NRG1: variants seen among roughly 807,000 people sequenced by gnomAD.
The protein encoded by NRG1 is pro-neuregulin-1, membrane-bound isoform.
A neutral mutation model predicts 63.8 loss-of-function variants in NRG1; 18 were observed. The ratio of observed to expected loss-of-function variants is 0.28; its 90% confidence interval spans 0.19 to 0.42. The LOEUF (loss-of-function observed/expected upper bound fraction) is 0.42, where lower values mean the gene tolerates loss of function less well. NRG1 is among the 10% of genes least tolerant of loss of function. The pLI is 1.00. For missense variants in NRG1, 762 were observed against 814.7 expected (o/e 0.94, Z 0.79); for synonymous variants, 302 against 301.3 (o/e 1.00, Z -0.02).
chr8:31,931,413 A>G (rs563764158), intron 1 of NRG1, among the ~76,000 whole-genome samples: 1 of 152,272 alleles, frequency 6.6e-6, no homozygotes, highest in African/African-American at 2.4e-5. Flanking sequence ...CCCATCACCT[A>G]CTAACTGTGT....
intron 1 of NRG1, among the ~76,000 whole-genome samples, chr8:32,438,900 T>C (rs2129487271): frequency 6.6e-6 from 1 of 152,220 alleles, no homozygotes. Context: ...CTGTTGAGTT[T>C]TAAGAGTTCT....
chr8:32,592,987 C>T (rs888969012), intron 1 of NRG1, among the ~76,000 whole-genome samples: 8 of 151,984 alleles, frequency 5.3e-5, no homozygotes, highest in Admixed American at 5.3e-4. Context: ...TCTTATAATA[C>T]AGTAACATAA....
intron 1 of NRG1, among the ~76,000 whole-genome samples, chr8:32,511,878 G>A (rs958370202): frequency 1.3e-5 from 2 of 152,208 alleles, no homozygotes; most frequent in Non-Finnish European, 2.9e-5. Flanking sequence ...GCCCCAGGGA[G>A]CTGTGATGCA....
At chr8:32,534,459 T>A (rs1052698592) in intron 1 of NRG1, among the ~76,000 whole-genome samples, 3 of 152,184 alleles carry the variant, frequency 2.0e-5, no homozygotes, top group Non-Finnish European at 2.9e-5. Flanking sequence ...TTGGACAGGA[T>A]TCTTGCCAAT....
intron 1 of NRG1, among the ~76,000 whole-genome samples, chr8:32,102,127 C>T (rs1830655044): frequency 1.3e-5 from 2 of 152,122 alleles, no homozygotes; most frequent in African/African-American, 4.8e-5. Context: ...TTTAACAATA[C>T]AAAAGAATAA....
chr8:31,787,881 C>A (rs1263980061), intron 1 of NRG1, among the ~76,000 whole-genome samples: 1 of 152,120 alleles, frequency 6.6e-6, no homozygotes, highest in Non-Finnish European at 1.5e-5. Flanking sequence ...TCATCAAGAG[C>A]AATAGCTAGC....
At chr8:31,730,692 G>A (rs1813945323) in intron 1 of NRG1, among the ~76,000 whole-genome samples, 1 of 152,044 alleles carries the variant, frequency 6.6e-6, no homozygotes, top group African/African-American at 2.4e-5. Context: ...TTGCAGTAGG[G>A]AAAGATGCTC....
At chr8:32,652,644 T>A (rs1189843716) in intron 5 of NRG1, among the ~76,000 whole-genome samples, 1 of 152,166 alleles carries the variant, frequency 6.6e-6, no homozygotes, top group Non-Finnish European at 1.5e-5. Context: ...GAATGGCACT[T>A]TCATATATTA....
chr8:32,124,076 A>G lies in NRG1; in HGVS notation c.38-471752A>G, dbSNP rs546999061. On this transcript the variant is annotated intron_variant, in intron 1 of 10. Transcript: ENST00000519301. ...TTTCCCTTTATTTCAGAAACCTTCC[A>G]TAATAAAAACTTGGATATAATGAAA... Among the ~76,000 whole-genome samples, 4 of 152,128 alleles carry G rather than the reference A, an allele frequency of 2.6e-5. 1 individual carries two copies. The highest frequency in any genetic ancestry group is 7.2e-5 in the African/African-American group (3 of 41,552).
At chr8:32,076,061 C>G (rs1026730413) in intron 1 of NRG1, among the ~76,000 whole-genome samples, 1 of 152,174 alleles carries the variant, frequency 6.6e-6, no homozygotes, top group South Asian at 2.1e-4. Context: ...GGAGAGCCAG[C>G]TGTGTATTGT....
intron 1 of NRG1, among the ~76,000 whole-genome samples, chr8:31,726,328 A>G (rs933262346): frequency 3.3e-5 from 5 of 152,200 alleles, no homozygotes; most frequent in Non-Finnish European, 5.9e-5. Context: ...GTACAAATGT[A>G]AAAAACATGT....
At chr8:31,813,280 G>A (rs1018662576) in intron 1 of NRG1, among the ~76,000 whole-genome samples, 7 of 151,968 alleles carry the variant, frequency 4.6e-5, no homozygotes, top group African/African-American at 1.7e-4. Flanking sequence ...CAATTTTTGT[G>A]GGTACATAGT....
intron 5 of NRG1, among the ~76,000 whole-genome samples, chr8:32,657,331 CT>C (rs1801738080): frequency 6.6e-6 from 1 of 151,902 alleles, no homozygotes; most frequent in South Asian, 2.1e-4. Context: ...CACAGTTACT[CT>C]TCTCTTTCCT....
At chr8:32,319,318 T>A (rs1217365237) in intron 1 of NRG1, among the ~76,000 whole-genome samples, 2 of 152,184 alleles carry the variant, frequency 1.3e-5, no homozygotes, top group African/African-American at 2.4e-5. Flanking sequence ...CTTTCCTGCA[T>A]GACTTTAAGT....
At chr8:32,352,961 T>TATAG (rs371039140) in intron 1 of NRG1, among the ~76,000 whole-genome samples, 25,876 of 148,000 alleles carry the variant, frequency 0.17, 2,885 homozygotes, top group Non-Finnish European at 0.26. Context: ...TATATATATA[T>TATAG]ACAGAGAGAG....
intron 1 of NRG1, among the ~76,000 whole-genome samples, chr8:32,572,466 A>G (rs1417569703): frequency 6.6e-6 from 1 of 152,190 alleles, no homozygotes; most frequent in African/African-American, 2.4e-5. Flanking sequence ...TCCTCTAAGA[A>G]TAATAATCCC....
intron 1 of NRG1, among the ~76,000 whole-genome samples, chr8:31,654,840 C>T (rs1247582278): frequency 6.6e-6 from 1 of 152,142 alleles, no homozygotes; most frequent in East Asian, 1.9e-4. Flanking sequence ...ACTCTGGAAG[C>T]TGAGTCAGGA....
chr8:31,826,387 T>C (rs758507337), intron 1 of NRG1, among the ~76,000 whole-genome samples: 9 of 152,058 alleles, frequency 5.9e-5, no homozygotes, highest in Admixed American at 5.9e-4. Context: ...AGTAAATAAG[T>C]CTCACAAGAT....
intron 1 of NRG1, among the ~76,000 whole-genome samples, chr8:32,286,532 G>A (rs781514819): frequency 2.6e-5 from 4 of 152,338 alleles, no homozygotes; most frequent in South Asian, 2.1e-4. Flanking sequence ...GTGGGTCATG[G>A]GGGCAGATCT....
Sources: gnomAD v4.1 joint callset for allele counts (sites outside exome capture counted in the v4.1 genomes callset) on GRCh38, gnomAD v4.1.1 for gene constraint, MANE v1.5 for transcripts, NCBI Gene and HGNC (gene_info 2026-07-23, HGNC 2026-07-21) for gene names.